SUMF1: variants seen among roughly 807,000 people sequenced by gnomAD.
SUMF1 encodes the protein formylglycine-generating enzyme.
In SUMF1, 48 loss-of-function variants were observed where a neutral mutation model predicts 47.6. The observed-to-expected ratio is 1.01, with a 90% confidence interval of 0.80 to 1.28. SUMF1 has a LOEUF of 1.28. SUMF1 is among the 50% of genes most tolerant of loss of function. The probability of loss-of-function intolerance (pLI) is 0.00; values close to 1 mark genes in which losing one functional copy is unlikely to be tolerated. For missense variants in SUMF1, 571 were observed against 485.4 expected (o/e 1.18, Z -1.66); for synonymous variants, 230 against 192.1 (o/e 1.20, Z -1.63).
At position 4,121,225 on chromosome 3, in the gene SUMF1, C is replaced by A. The variant is rs550593424; in HGVS notation, c.1015-52480G>T. On this transcript the variant is annotated intron_variant and NMD_transcript_variant, in intron 8 of 12. Coordinates refer to the SUMF1 transcript ENST00000448413. ...GATTTCACACATCTAGCTTTATATC[C>A]CCAGTTTCAAAAAGAACATAATTTT... Among the ~76,000 whole-genome samples the A allele has an allele frequency of 1.5e-4, 23 of 152,168 alleles. 1 individual carries two copies. The South Asian group carries it at 4.8e-3, about 32-fold the overall frequency.
At chr3:4,321,023 G>T (rs1698818630) in intron 8 of SUMF1, among the ~76,000 whole-genome samples, 2 of 152,130 alleles carry the variant, frequency 1.3e-5, no homozygotes, top group African/African-American at 4.8e-5. Flanking sequence ...TAACAACTCT[G>T]CTATTGCCTT....
chr3:4,260,515 C>T (rs560464689), intron 8 of SUMF1, among the ~76,000 whole-genome samples: 1 of 152,150 alleles, frequency 6.6e-6, no homozygotes, highest in South Asian at 2.1e-4. Context: ...CAGTTTCCAG[C>T]CCTGATTATC....
At chr3:4,269,593 G>A (rs1239310221) in intron 8 of SUMF1, among the ~76,000 whole-genome samples, 2 of 152,146 alleles carry the variant, frequency 1.3e-5, no homozygotes, top group African/African-American at 4.8e-5. Flanking sequence ...CAGGACAGAG[G>A]AGAGTTAACA....
At chr3:4,133,675 G>A (rs751523107) in intron 8 of SUMF1, among the ~76,000 whole-genome samples, 1 of 152,038 alleles carries the variant, frequency 6.6e-6, no homozygotes, top group African/African-American at 2.4e-5. Flanking sequence ...GATGCTTCCT[G>A]CCCTTGAACA....
At chr3:4,349,785 G>C (rs1699448430) in intron 8 of SUMF1, among the ~76,000 whole-genome samples, 1 of 152,112 alleles carries the variant, frequency 6.6e-6, no homozygotes, top group Non-Finnish European at 1.5e-5. Context: ...GTTGAACATT[G>C]AGAACACATC....
Position 4,335,960 on chromosome 3 carries a change from C to CAAAAAAAACAAAAAAAAAAAAAA in SUMF1, c.1014+40369_1014+40370insTTTTTTTTTTTTTTGTTTTTTTT, listed in dbSNP as rs5846319. On this transcript the variant is annotated intron_variant and NMD_transcript_variant, in intron 8 of 12. Coordinates refer to the SUMF1 transcript ENST00000448413. ...TGGACAACTGAGTGAGATTCCAACT[C>CAAAAAAAACAAAAAAAAAAAAAA]AAAAAAAAAAAAAAAAAAAACAGAA... is the stretch of plus-strand genomic sequence containing the variant. Among the ~76,000 whole-genome samples, 28 of 73,784 alleles carry CAAAAAAAACAAAAAAAAAAAAAA rather than the reference C, an allele frequency of 3.8e-4. 1 individual carries two copies. Among genetic ancestry groups the CAAAAAAAACAAAAAAAAAAAAAA allele is most frequent in the African/African-American group, 1.3e-3 (18 of 14,030 alleles). The allele number at this position is 73,784 out of a possible 152,430, so 48.4% of individuals were successfully genotyped here.
intron 8 of SUMF1, among the ~76,000 whole-genome samples, chr3:4,150,326 C>T (rs1694289640): frequency 6.7e-6 from 1 of 149,962 alleles, no homozygotes; most frequent in Non-Finnish European, 1.5e-5. Context: ...CTTTGGGAGG[C>T]CGAGGCAGGT....
chr3:4,268,991 C>A (rs960915020), intron 8 of SUMF1, among the ~76,000 whole-genome samples: 10 of 151,982 alleles, frequency 6.6e-5, no homozygotes, highest in African/African-American at 2.4e-4. Flanking sequence ...AAAATATGGT[C>A]TTAAACATAT....
At chr3:4,107,875 G>A (rs1425329423) in intron 8 of SUMF1, among the ~76,000 whole-genome samples, 1 of 151,994 alleles carries the variant, frequency 6.6e-6, no homozygotes, top group East Asian at 1.9e-4. Context: ...TCCATTCTTA[G>A]GAATAATTCA....
Position 4,067,438 on chromosome 3 carries a change from T to C in SUMF1, c.1191+1131A>G, listed in dbSNP as rs79277304. 2.1e-4 allele frequency among the ~76,000 whole-genome samples: 32 copies of C among 152,318 alleles called. No homozygotes were observed. In the East Asian group the frequency reaches 6.0e-3, roughly 28 times the overall value. Reference sequence around the variant, plus strand: ...CAGGCCATCCCACTATTCTGTTAAGTAGCTGCTTCTAGATGATGTTGCACA... The same window carrying C: ...CAGGCCATCCCACTATTCTGTTAAGCAGCTGCTTCTAGATGATGTTGCACA... On this transcript the variant is annotated intron_variant and NMD_transcript_variant, in intron 9 of 12. Coordinates refer to the SUMF1 transcript ENST00000448413.
chr3:4,044,709 G>A (rs1010381736), intron 9 of SUMF1, among the ~76,000 whole-genome samples: 3 of 152,142 alleles, frequency 2.0e-5, no homozygotes, highest in African/African-American at 7.2e-5. Flanking sequence ...TTAAAATCAA[G>A]GCCTTATGCA....
intron 8 of SUMF1, among the ~76,000 whole-genome samples, chr3:4,147,252 T>C (rs928058062): frequency 2.0e-5 from 3 of 152,120 alleles, no homozygotes; most frequent in African/African-American, 7.2e-5. Flanking sequence ...TGGAAGTCAG[T>C]GTGGCGATTC....
chr3:4,222,113 G>A (rs1696080423), intron 8 of SUMF1, among the ~76,000 whole-genome samples: 1 of 151,948 alleles, frequency 6.6e-6, no homozygotes, highest in Non-Finnish European at 1.5e-5. Context: ...ATATAATACA[G>A]TAAAAAGTAA....
intron 8 of SUMF1, among the ~76,000 whole-genome samples, chr3:4,075,791 G>A (rs1692419621): frequency 6.6e-6 from 1 of 151,970 alleles, no homozygotes; most frequent in Non-Finnish European, 1.5e-5. Flanking sequence ...GGAATGTGAA[G>A]GACCCCTTCA....
chr3:4,430,880 G>A (rs1702212541), intron 3 of SUMF1, among the ~76,000 whole-genome samples: 1 of 152,144 alleles, frequency 6.6e-6, no homozygotes, highest in South Asian at 2.1e-4. Context: ...TTCCACACAG[G>A]AGGCCACCTG....
intron 8 of SUMF1, among the ~76,000 whole-genome samples, chr3:4,352,731 T>TA (rs34628235): frequency 0.1 from 10,972 of 107,962 alleles, 547 homozygotes; most frequent in East Asian, 0.21. Flanking sequence ...TTGCTGCGTG[T>TA]AAAAAAAAAA....
At chr3:4,239,591 G>C (rs1278577455) in intron 8 of SUMF1, among the ~76,000 whole-genome samples, 1 of 152,120 alleles carries the variant, frequency 6.6e-6, no homozygotes, top group African/African-American at 2.4e-5. Context: ...TGGTGTATAG[G>C]AATGCTTGTG....
chr3:4,303,407 G>A, intron 8 of SUMF1: 1 of 1,558,444 alleles, frequency 6.4e-7, no homozygotes, highest in East Asian at 2.6e-5. Context: ...ACGGCCTTGT[G>A]GGATGGCGGA....
chr3:4,082,465 C>G (rs1038136727), intron 8 of SUMF1, among the ~76,000 whole-genome samples: 8 of 151,670 alleles, frequency 5.3e-5, no homozygotes, highest in Admixed American at 1.3e-4. Flanking sequence ...TGAGACCCAC[C>G]CTGTTTCAAA....
Sources: gnomAD v4.1 joint callset for allele counts (sites outside exome capture counted in the v4.1 genomes callset) on GRCh38, gnomAD v4.1.1 for gene constraint, MANE v1.5 for transcripts, NCBI Gene and HGNC (gene_info 2026-07-23, HGNC 2026-07-21) for gene names.